MAP3K20: variants seen among roughly 807,000 people sequenced by gnomAD.
MAP3K20 encodes mitogen-activated protein kinase kinase kinase 20, also known as HCCS-4.
A neutral mutation model predicts 85.7 loss-of-function variants in MAP3K20; 40 were observed. The ratio of observed to expected loss-of-function variants is 0.47; its 90% CI spans 0.36 to 0.61. The LOEUF is 0.61. Ranked by LOEUF, MAP3K20 falls within the 20% of genes least tolerant of loss-of-function variation. The pLI is 0.00. For synonymous variants in MAP3K20, 325 were observed against 327.7 expected (o/e 0.99, Z 0.09); for missense variants, 817 against 961.7 (o/e 0.85, Z 1.99).
chr2:173,212,269 T>TGC (rs1683925527), intron 10 of MAP3K20: 1 of 99,034 alleles, frequency 1.0e-5, no homozygotes, highest in Admixed American at 9.4e-5. Flanking sequence ...TCCCAGGGCA[T>TGC]GTGGAGCTCT....
chr2:173,079,890 C>CA (rs1686967378), intron 1 of MAP3K20, among the ~76,000 whole-genome samples: 1 of 140,264 alleles, frequency 7.1e-6, no homozygotes, highest in Non-Finnish European at 1.6e-5. Flanking sequence ...AGTTAATTTT[C>CA]TTTTTTTTTT....
chr2:173,078,971 A>G (rs905454932), intron 1 of MAP3K20, among the ~76,000 whole-genome samples: 4 of 152,188 alleles, frequency 2.6e-5, no homozygotes, highest in Non-Finnish European at 4.4e-5. Context: ...CACTCATGTA[A>G]GTTAGGAACA....
intron 11 of MAP3K20, among the ~76,000 whole-genome samples, chr2:173,218,513 T>G (rs1157547845): frequency 6.6e-6 from 1 of 152,198 alleles, no homozygotes; most frequent in Non-Finnish European, 1.5e-5. Context: ...TCTGGCTGAG[T>G]GGCAGCAGGC....
At chr2:173,250,441 CTG>C (rs1296386092) in intron 16 of MAP3K20, among the ~76,000 whole-genome samples, 1 of 152,206 alleles carries the variant, frequency 6.6e-6, no homozygotes, top group Non-Finnish European at 1.5e-5. Context: ...ATGTCAGGCT[CTG>C]TGTCAGCCTT....
At chr2:173,215,919 A>G (rs180808019) in intron 10 of MAP3K20, 19 of 152,344 alleles carry the variant, frequency 1.2e-4, no homozygotes, top group African/African-American at 4.6e-4. Context: ...TCAACGTCTC[A>G]ATCATGATTA....
At chr2:173,159,204 C>A (rs1193730124) in intron 2 of MAP3K20, among the ~76,000 whole-genome samples, 1 of 152,120 alleles carries the variant, frequency 6.6e-6, no homozygotes, top group Non-Finnish European at 1.5e-5. Flanking sequence ...CAATTTGAAG[C>A]CTTGTTTGGG....
intron 10 of MAP3K20, chr2:173,214,505 A>G (rs1159632690): frequency 6.6e-6 from 1 of 152,198 alleles, no homozygotes; most frequent in African/African-American, 2.4e-5. Flanking sequence ...TTCTTAAAAA[A>G]CCAGAGATCA....
intron 1 of MAP3K20, among the ~76,000 whole-genome samples, chr2:173,080,711 G>A (rs1224808855): frequency 6.6e-6 from 1 of 152,152 alleles, no homozygotes; most frequent in Non-Finnish European, 1.5e-5. Context: ...TCCAGCTAAG[G>A]CTTGCCTTTG....
At chr2:173,219,948 A>G (rs375242061) in intron 11 of MAP3K20, among the ~76,000 whole-genome samples, 9 of 151,666 alleles carry the variant, frequency 5.9e-5, no homozygotes, top group East Asian at 3.9e-4. Context: ...GGCGCCTGTA[A>G]TCCCAGCTAT....
At chr2:173,121,687 G>A (rs1217081716) in intron 2 of MAP3K20, among the ~76,000 whole-genome samples, 1 of 152,032 alleles carries the variant, frequency 6.6e-6, no homozygotes, top group Non-Finnish European at 1.5e-5. Flanking sequence ...GCGCCCGGCT[G>A]GAGAACAAAT....
chr2:173,182,035 A>C (rs1690346744), intron 3 of MAP3K20, among the ~76,000 whole-genome samples: 1 of 152,166 alleles, frequency 6.6e-6, no homozygotes, highest in South Asian at 2.1e-4. Context: ...CTGTGATCAC[A>C]CCACTGCACT....
rs935975890 is a variant in MAP3K20 at position 173,264,081 on chromosome 2, C to T, written c.1702+186C>T. Among the ~76,000 whole-genome samples the T allele has an allele frequency of 3.3e-5, 5 of 152,278 alleles. No homozygotes were observed. In the East Asian group the frequency reaches 5.8e-4, roughly 18 times the overall value. On this transcript the variant is annotated intron_variant, in intron 19 of 19. Coordinates refer to ENST00000375213, the MANE Select transcript of MAP3K20 (RefSeq NM_016653.3). ...TAATTCCCCAAGTGTGGCCCCAGGA[C>T]CAGGAGCATCGGGATCACCTGTGAA...
intron 1 of MAP3K20, among the ~76,000 whole-genome samples, chr2:173,082,269 A>G (rs1573995855): frequency 6.6e-6 from 1 of 152,156 alleles, no homozygotes; most frequent in African/African-American, 2.4e-5. Context: ...TGGCCTCCCA[A>G]AGAACCAGAA....
intron 2 of MAP3K20, among the ~76,000 whole-genome samples, chr2:173,124,951 G>A (rs796194156): frequency 7.2e-5 from 11 of 152,228 alleles, no homozygotes; most frequent in African/African-American, 2.6e-4. Context: ...TTGCACCATT[G>A]CACTCCAGCC....
At chr2:173,156,825 C>A (rs1689488907) in intron 2 of MAP3K20, among the ~76,000 whole-genome samples, 1 of 152,286 alleles carries the variant, frequency 6.6e-6, no homozygotes, top group South Asian at 2.1e-4. Flanking sequence ...TAGACAAAGT[C>A]AAGGAAATAG....
At chr2:173,116,798 G>A (rs1460263409) in intron 2 of MAP3K20, among the ~76,000 whole-genome samples, 2 of 152,182 alleles carry the variant, frequency 1.3e-5, no homozygotes, top group Admixed American at 1.3e-4. Context: ...TAGAAGCTTA[G>A]AACCTTCAAA....
intron 9 of MAP3K20, among the ~76,000 whole-genome samples, chr2:173,205,506 C>T (rs772264892): frequency 6.6e-6 from 1 of 152,194 alleles, no homozygotes; most frequent in African/African-American, 2.4e-5. Context: ...CTGCACTGAG[C>T]ACAAAGTGTA....
chr2:173,232,580 T>C, intron 14 of MAP3K20, 121 bp downstream of exon 14: 1 of 1,439,294 alleles, frequency 6.9e-7, no homozygotes, highest in Non-Finnish European at 9.4e-7. Context: ...CTTGGCTCGT[T>C]GCACCCTCCG....
chr2:173,263,643 T>A (rs1395500186), intron 18 of MAP3K20, 102 bp from the exon 19 acceptor site: 1 of 1,172,802 alleles, frequency 8.5e-7, no homozygotes, highest in Non-Finnish European at 1.2e-6. Flanking sequence ...AGTGATATAA[T>A]AACCTGGATG....
Sources: gnomAD v4.1 joint callset for allele counts (sites outside exome capture counted in the v4.1 genomes callset) on GRCh38, gnomAD v4.1.1 for gene constraint, MANE v1.5 for transcripts, NCBI Gene and HGNC (gene_info 2026-07-23, HGNC 2026-07-21) for gene names.